RAB27B: variants seen among roughly 807,000 people sequenced by gnomAD.
RAB27B encodes the protein ras-related protein Rab-27B.
A neutral mutation model predicts 24.6 loss-of-function variants in RAB27B; 15 were observed. The ratio of observed to expected loss-of-function variants is 0.61; its 90% CI spans 0.41 to 0.94. The LOEUF (loss-of-function observed/expected upper bound fraction) is 0.94. RAB27B is among the 40% of genes least tolerant of loss of function. The pLI is 0.00. For missense variants in RAB27B, 261 were observed against 266.8 expected, an observed-to-expected ratio of 0.98 and a Z score of 0.15; for synonymous variants, 105 against 92.5, an observed-to-expected ratio of 1.14 and a Z score of -0.78.
At chr18:54,733,897 T>C (rs1299652784) in intron 2 of RAB27B, among the ~76,000 whole-genome samples, 1 of 152,156 alleles carries the variant, frequency 6.6e-6, no homozygotes, top group Non-Finnish European at 1.5e-5. Context: ...TTATCAATCC[T>C]ATGCAAATAA....
intron 2 of RAB27B, 39 bp downstream of exon 2, chr18:54,877,777 C>A: frequency 6.6e-7 from 1 of 1,517,462 alleles, no homozygotes; most frequent in Non-Finnish European, 8.8e-7. Flanking sequence ...GTCACTCATC[C>A]CCCTATATAA....
intron 5 of RAB27B, among the ~76,000 whole-genome samples, chr18:54,888,327 G>A (rs1440668456): frequency 6.6e-6 from 1 of 152,148 alleles, no homozygotes; most frequent in Non-Finnish European, 1.5e-5. Flanking sequence ...TAATGTGCTA[G>A]CAACAGTTCC....
intron 4 of RAB27B, among the ~76,000 whole-genome samples, chr18:54,887,474 A>G (rs1387534923): frequency 6.6e-6 from 1 of 152,120 alleles, no homozygotes; most frequent in Non-Finnish European, 1.5e-5. Context: ...TATGTGTATT[A>G]TGTATTATTA....
At chr18:54,849,222 C>T (rs1166204957) in intron 1 of RAB27B, among the ~76,000 whole-genome samples, 1 of 152,194 alleles carries the variant, frequency 6.6e-6, no homozygotes, top group Non-Finnish European at 1.5e-5. Context: ...TGTTTCACCT[C>T]CTGGTGACCA....
intron 1 of RAB27B, among the ~76,000 whole-genome samples, chr18:54,853,133 A>T (rs985950347): frequency 1.3e-5 from 2 of 152,300 alleles, no homozygotes; most frequent in Non-Finnish European, 2.9e-5. Flanking sequence ...ATGTTCAGTA[A>T]AGGTTGGATG....
upstream of RAB27B, among the ~76,000 whole-genome samples, chr18:54,823,493 C>T (rs762600343): frequency 9.9e-5 from 15 of 152,188 alleles, no homozygotes; most frequent in Non-Finnish European, 1.6e-4. Context: ...GTCAGTGACT[C>T]ATGCTACTAA....
At chr18:54,767,678 A>G (rs777761823) in intron 2 of RAB27B, among the ~76,000 whole-genome samples, 5 of 152,138 alleles carry the variant, frequency 3.3e-5, no homozygotes, top group Non-Finnish European at 5.9e-5. Context: ...ATTTCATTCC[A>G]TGTGGTCTGT....
intron 2 of RAB27B, among the ~76,000 whole-genome samples, chr18:54,744,175 A>G (rs1364034554): frequency 1.3e-5 from 2 of 152,218 alleles, no homozygotes; most frequent in East Asian, 3.8e-4. Flanking sequence ...TATATCTCCT[A>G]GGTAGCTCAT....
At chr18:54,825,390 G>A (rs1174949625), upstream of RAB27B, among the ~76,000 whole-genome samples, 3 of 152,008 alleles carry the variant, frequency 2.0e-5, no homozygotes, top group Non-Finnish European at 4.4e-5. Flanking sequence ...TATTGTTTTT[G>A]CATTGTTTTC....
chr18:54,882,940 C>T (rs1912986239), intron 3 of RAB27B, among the ~76,000 whole-genome samples: 1 of 151,952 alleles, frequency 6.6e-6, no homozygotes, highest in African/African-American at 2.4e-5. Flanking sequence ...ACACGGGAAG[C>T]CTAATCAGAA....
At chr18:54,880,226 T>C (rs1024290157) in intron 3 of RAB27B, 2 of 152,254 alleles carry the variant, frequency 1.3e-5, no homozygotes, top group African/African-American at 2.4e-5. Flanking sequence ...CTTTCCAGCA[T>C]TGTCTCTGGT....
At chr18:54,874,441 A>G (rs1438365964) in intron 1 of RAB27B, among the ~76,000 whole-genome samples, 2 of 152,136 alleles carry the variant, frequency 1.3e-5, no homozygotes, top group Admixed American at 1.3e-4. Flanking sequence ...GCTAGACTAG[A>G]ACTTCCATTT....
At position 54,793,278 on chromosome 18, in the gene RAB27B, G is replaced by A. The variant is rs1568067873; in HGVS notation, c.-20+75137G>A. Reference sequence around the variant, plus strand: ...AGACAAAACAGAAACAGAATTCGTTGGATTAAAAATATTTCAACTCCAGTA... The same window carrying A: ...AGACAAAACAGAAACAGAATTCGTTAGATTAAAAATATTTCAACTCCAGTA... On this transcript the variant is annotated intron_variant, in intron 2 of 4. Transcript: ENST00000586570. 2.0e-5 allele frequency among the ~76,000 whole-genome samples: 3 copies of A among 152,008 alleles called. No individual in the cohort carries two copies. The South Asian group carries it at 6.2e-4, about 32-fold the overall frequency.
chr18:54,772,872 T>G (rs915274676), intron 2 of RAB27B, among the ~76,000 whole-genome samples: 2 of 152,194 alleles, frequency 1.3e-5, no homozygotes, highest in African/African-American at 4.8e-5. Context: ...ATCTGTTTCC[T>G]CCTTTCTTTG....
intron 2 of RAB27B, among the ~76,000 whole-genome samples, chr18:54,759,588 G>T (rs1908115902): frequency 6.6e-6 from 1 of 152,168 alleles, no homozygotes; most frequent in Admixed American, 6.5e-5. Flanking sequence ...CCTGGCGAGG[G>T]CCACACCCTC....
At chr18:54,870,633 A>T (rs536852837) in intron 1 of RAB27B, among the ~76,000 whole-genome samples, 1 of 152,300 alleles carries the variant, frequency 6.6e-6, no homozygotes, top group South Asian at 2.1e-4. Context: ...AAAACCATTA[A>T]ACATATGAAA....
intron 2 of RAB27B, among the ~76,000 whole-genome samples, chr18:54,793,078 G>A (rs903025133): frequency 1.4e-5 from 2 of 143,000 alleles, no homozygotes; most frequent in Non-Finnish European, 3.0e-5. Context: ...AACCCCTGTA[G>A]TATAAGCATC....
chr18:54,815,889 G>C (rs1445142973), intron 2 of RAB27B, among the ~76,000 whole-genome samples: 1 of 152,086 alleles, frequency 6.6e-6, no homozygotes, highest in Non-Finnish European at 1.5e-5. Flanking sequence ...CTCCCAAAGT[G>C]CTGGGATTAC....
At chr18:54,845,235 C>T (rs1179152664) in intron 1 of RAB27B, among the ~76,000 whole-genome samples, 2 of 151,698 alleles carry the variant, frequency 1.3e-5, no homozygotes, top group Non-Finnish European at 2.9e-5. Context: ...GGTGAAACCC[C>T]GTGTCTACTA....
Sources: gnomAD v4.1 joint callset for allele counts (sites outside exome capture counted in the v4.1 genomes callset) on GRCh38, gnomAD v4.1.1 for gene constraint, MANE v1.5 for transcripts, NCBI Gene and HGNC (gene_info 2026-07-23, HGNC 2026-07-21) for gene names.